CSNK1G1: variants seen among roughly 807,000 people sequenced by gnomAD.
The protein encoded by CSNK1G1 is casein kinase 1 gamma 1.
CSNK1G1 carries 22 observed loss-of-function variants against 59.6 expected under a neutral mutation model. The observed-to-expected ratio is 0.37, with a 90% CI of 0.26 to 0.53. The LOEUF is 0.53. CSNK1G1 is among the 20% of genes least tolerant of loss of function. The probability of loss-of-function intolerance (pLI) is 0.89; values close to 1 mark genes in which losing one functional copy is unlikely to be tolerated. For synonymous variants in CSNK1G1, 179 were observed against 177.1 expected, an observed-to-expected ratio of 1.01 and a Z score of -0.08; for missense variants, 384 against 519.5, an observed-to-expected ratio of 0.74 and a Z score of 2.54.
chr15:64,168,290 A>C lies in CSNK1G1; in HGVS notation c.*3641T>G, dbSNP rs1158887205. On this transcript the variant is annotated 3_prime_UTR_variant, in exon 12 of 12. Transcript: ENST00000303052. ...ATAGCAGAAGAATGTTAATTAAGGC[A>C]GTCATGAGTGCACACTGGCTGTCAG... 6.6e-6 allele frequency: 1 copy of C among 152,662 alleles called. No homozygotes were observed. Among genetic ancestry groups the C allele is most frequent in the African/African-American group, 2.4e-5 (1 of 41,456 alleles). The allele number at this position is 152,662 out of a possible 1,614,324, so 9.5% of individuals were successfully genotyped here.
At chr15:64,305,703 AAAAAACAAAAAC>A (rs1215825622) in intron 1 of CSNK1G1, among the ~76,000 whole-genome samples, 6 of 150,158 alleles carry the variant, frequency 4.0e-5, no homozygotes, top group African/African-American at 1.2e-4. Context: ...TCCAAAAAAA[AAAAAACAAAAAC>A]AAAAACAAAA....
At chr15:64,291,480 C>G (rs1894739858) in intron 2 of CSNK1G1, among the ~76,000 whole-genome samples, 1 of 152,102 alleles carries the variant, frequency 6.6e-6, no homozygotes, top group South Asian at 2.1e-4. Flanking sequence ...CCCAGCTACT[C>G]AGAAGCCTGA....
rs975844978 is a variant in CSNK1G1 at position 64,216,164 on chromosome 15, G to A, written c.444+398C>T. On this transcript the variant is annotated intron_variant, in intron 5 of 11. Coordinates refer to ENST00000303052, the MANE Select transcript of CSNK1G1 (RefSeq NM_022048.5). The surrounding 1 kb of genome is among the most constrained non-coding windows in gnomAD (Gnocchi z 4.6). Reference sequence around the variant, plus strand: ...CACTTGAGCCTAGGAGTTTGAGGTTGCACTGAGCTATGATCATGCTACTGT... The same window carrying A: ...CACTTGAGCCTAGGAGTTTGAGGTTACACTGAGCTATGATCATGCTACTGT... Among the ~76,000 whole-genome samples, 1 of 152,034 alleles carries A rather than the reference G, an allele frequency of 6.6e-6. No homozygotes were observed. The highest frequency in any genetic ancestry group is 1.5e-5 in the Non-Finnish European group (1 of 67,998).
chr15:64,174,881 G>A (rs906027298), intron 11 of CSNK1G1, among the ~76,000 whole-genome samples: 1 of 151,936 alleles, frequency 6.6e-6, no homozygotes, highest in Non-Finnish European at 1.5e-5. Flanking sequence ...GTGACCTCTT[G>A]GCCCCTCAGC....
intron 4 of CSNK1G1, among the ~76,000 whole-genome samples, chr15:64,235,108 G>A (rs1320929938): frequency 2.0e-5 from 3 of 152,140 alleles, no homozygotes; most frequent in Non-Finnish European, 2.9e-5. Context: ...TGAAAAGAAA[G>A]CCAGGGACCA....
In CSNK1G1 at chr15:64,181,743, G is replaced by T. The variant is rs112211910; in HGVS notation, c.1108-1289C>A. The stretch of plus-strand genomic sequence containing the variant: ...GGGAGAACAATGCTGCTTACCTAAT[G>T]GTGTTTACTGTGCAGACAACCCACA... On this transcript the variant is annotated intron_variant, in intron 10 of 11. Coordinates refer to ENST00000303052, the MANE Select transcript of CSNK1G1 (RefSeq NM_022048.5). 1,376 of 248,500 alleles carry T rather than the reference G, an allele frequency of 5.5e-3. 13 individuals are homozygous for T. Among genetic ancestry groups the T allele is most frequent in the African/African-American group, 0.017 (744 of 43,676 alleles). The allele number at this position is 248,500 out of a possible 1,614,324, so 15.4% of individuals were successfully genotyped here.
chr15:64,314,407 A>G (rs983137748), intron 1 of CSNK1G1, among the ~76,000 whole-genome samples: 2 of 152,146 alleles, frequency 1.3e-5, no homozygotes, highest in Non-Finnish European at 2.9e-5. Context: ...AAGTAATGTT[A>G]TAATTTATGA....
At chr15:64,237,105 G>A (rs1370303374) in intron 4 of CSNK1G1, among the ~76,000 whole-genome samples, 1 of 152,146 alleles carries the variant, frequency 6.6e-6, no homozygotes, top group African/African-American at 2.4e-5. Context: ...GAATTATAGA[G>A]AATAGAAATT....
chr15:64,323,072 G>A (rs1896649810), intron 1 of CSNK1G1, among the ~76,000 whole-genome samples: 1 of 151,834 alleles, frequency 6.6e-6, no homozygotes, highest in African/African-American at 2.4e-5. Context: ...ACAGGCTCAC[G>A]CCACTATGCT....
At chr15:64,308,452 A>G (rs1895808946) in intron 1 of CSNK1G1, among the ~76,000 whole-genome samples, 1 of 148,414 alleles carries the variant, frequency 6.7e-6, no homozygotes, top group African/African-American at 2.5e-5. Flanking sequence ...AAGGGAGCCA[A>G]AGCAAAATAC....
At position 64,300,311 on chromosome 15, in the gene CSNK1G1, G is replaced by A; in HGVS notation, c.181+8C>T. The A allele has an allele frequency of 6.2e-7, 1 of 1,613,540 alleles. No homozygotes were observed. Among genetic ancestry groups the A allele is most frequent in the Non-Finnish European group, 8.5e-7 (1 of 1,179,556 alleles). On this transcript the variant is annotated splice_region_variant and intron_variant, in intron 2 of 11. Coordinates refer to ENST00000303052, the MANE Select transcript of CSNK1G1 (RefSeq NM_022048.5). ...TAGTAGAAGTCACTGACATAACCAA[G>A]TGCTTACCTAATCTGAGCTCTCCGA...
At chr15:64,249,307 G>A (rs769114123) in intron 4 of CSNK1G1, among the ~76,000 whole-genome samples, 3 of 152,176 alleles carry the variant, frequency 2.0e-5, no homozygotes, top group Non-Finnish European at 4.4e-5. Context: ...ACACTAGCGG[G>A]TAGGGGTAGC....
At chr15:64,293,002 C>T (rs937138707) in intron 2 of CSNK1G1, among the ~76,000 whole-genome samples, 2 of 152,038 alleles carry the variant, frequency 1.3e-5, no homozygotes, top group African/African-American at 4.8e-5. Flanking sequence ...ATTATTTGTA[C>T]ATTGAGGATG....
At chr15:64,175,481 C>T (rs940886109) in intron 11 of CSNK1G1, among the ~76,000 whole-genome samples, 1 of 152,128 alleles carries the variant, frequency 6.6e-6, no homozygotes, top group Non-Finnish European at 1.5e-5. Context: ...GGGGAAGGGG[C>T]TATGTCTTGT....
At chr15:64,178,240 C>T (rs56204931) in intron 11 of CSNK1G1, among the ~76,000 whole-genome samples, 6,752 of 152,112 alleles carry the variant, frequency 0.044, 197 homozygotes, top group South Asian at 0.086. Context: ...CTGTGAGTAC[C>T]ATTAATATCT....
At chr15:64,277,291 T>C (rs1893684820) in intron 2 of CSNK1G1, among the ~76,000 whole-genome samples, 1 of 151,860 alleles carries the variant, frequency 6.6e-6, no homozygotes, top group African/African-American at 2.4e-5. Flanking sequence ...AAAGTGAGAC[T>C]CTGCCTCCAC....
chr15:64,202,510 T>TC (rs1167934998), intron 10 of CSNK1G1, among the ~76,000 whole-genome samples: 10 of 150,290 alleles, frequency 6.7e-5, no homozygotes, highest in Non-Finnish European at 1.2e-4. Flanking sequence ...TATAGCTAGT[T>TC]CCCCCCAACA....
chr15:64,227,617 CA>C (rs2082480094), intron 4 of CSNK1G1, among the ~76,000 whole-genome samples: 1 of 152,194 alleles, frequency 6.6e-6, no homozygotes, highest in African/African-American at 2.4e-5. Flanking sequence ...AATTTATAAA[CA>C]AATTCTTTAT....
chr15:64,277,321 C>A (rs1893686357), intron 2 of CSNK1G1, among the ~76,000 whole-genome samples: 2 of 151,738 alleles, frequency 1.3e-5, no homozygotes, highest in Admixed American at 1.3e-4. Context: ...AAATAATTAG[C>A]CAGGCATTGT....
Sources: allele counts gnomAD v4.1 joint callset (sites outside exome capture counted in the v4.1 genomes callset), GRCh38; gene constraint gnomAD v4.1.1; non-coding constraint Gnocchi (gnomAD v3.1); transcripts MANE v1.5; gene names NCBI Gene and HGNC (gene_info 2026-07-23, HGNC 2026-07-21).